OPRM1: variants seen among roughly 807,000 people sequenced by gnomAD.
The protein encoded by OPRM1 is opioid receptor mu 1.
OPRM1 carries 27 observed loss-of-function variants against 31.8 expected under a neutral mutation model. That is an observed-to-expected ratio of 0.85 (90% CI 0.63 to 1.17). The LOEUF is 1.17. Among genes scored for constraint, OPRM1 ranks in the 50% most tolerant of loss-of-function variants. The pLI, the probability that OPRM1 is intolerant of heterozygous loss-of-function variation, is 0.00. For synonymous variants in OPRM1, 196 were observed against 189.9 expected (o/e 1.03, Z -0.26); for missense variants, 536 against 511.1 (o/e 1.05, Z -0.47).
chr6:154,222,946 C>T, intron 3 of OPRM1: 1 of 571,300 alleles, frequency 1.8e-6, no homozygotes, highest in Non-Finnish European at 3.1e-6. Context: ...CATGCCAAGA[C>T]TTCGTGGGGG....
At chr6:154,186,650 G>A (rs867049149) in intron 3 of OPRM1, among the ~76,000 whole-genome samples, 21 of 151,916 alleles carry the variant, frequency 1.4e-4, no homozygotes, top group Middle Eastern at 3.4e-3. Flanking sequence ...TCCGCCTCCC[G>A]GGTTCGCGCC....
intron 3 of OPRM1, among the ~76,000 whole-genome samples, chr6:154,195,171 A>G (rs1461371128): frequency 5.9e-5 from 8 of 135,276 alleles, no homozygotes; most frequent in East Asian, 2.1e-4. Flanking sequence ...TTTTTGAGAC[A>G]GAATCTCGCT....
rs1374041079 is a variant in OPRM1 at position 154,021,522 on chromosome 6, C to T, written c.-1+10504C>T. Among the ~76,000 whole-genome samples, 5 of 152,074 alleles carry T rather than the reference C, an allele frequency of 3.3e-5. No individual in the cohort carries two copies. In the East Asian group the frequency reaches 7.7e-4, roughly 23 times the overall value. ...ATTTCTGGGATTTTGATTGGGTCTG[C>T]CTTGGATCTATACATCAAGTTGGGA... On this transcript the variant is annotated intron_variant, in intron 1 of 5. Transcript: ENST00000434900.
At chr6:154,183,295 G>A (rs1801057924) in intron 3 of OPRM1, among the ~76,000 whole-genome samples, 1 of 152,182 alleles carries the variant, frequency 6.6e-6, no homozygotes, top group Non-Finnish European at 1.5e-5. Context: ...ATCTTTTCAA[G>A]ATGGCGCTCT....
At chr6:154,180,415 T>TATATA (rs1491475267) in intron 3 of OPRM1, among the ~76,000 whole-genome samples, 26 of 29,346 alleles carry the variant, frequency 8.9e-4, no homozygotes, top group South Asian at 3.4e-3. Context: ...TATATATATA[T>TATATA]TTTTTTTTTA....
intron 1 of OPRM1, among the ~76,000 whole-genome samples, chr6:154,040,309 T>C (rs564413129): frequency 6.6e-6 from 1 of 152,076 alleles, no homozygotes; most frequent in African/African-American, 2.4e-5. Context: ...TCAAGTCTTC[T>C]CAATTGTTTT....
intron 1 of OPRM1, among the ~76,000 whole-genome samples, chr6:154,061,816 AAAT>A (rs965235085): frequency 8.8e-4 from 132 of 150,138 alleles, no homozygotes; most frequent in African/African-American, 3.1e-3. Context: ...CCCTAAAAAA[AAAT>A]AATAGTTGGA....
intron 1 of OPRM1, among the ~76,000 whole-genome samples, chr6:154,059,580 C>T (rs1320046151): frequency 1.4e-5 from 2 of 147,914 alleles, no homozygotes; most frequent in East Asian, 3.9e-4. Context: ...TCCTTTTTTA[C>T]ACTTAAAAAA....
Position 154,086,138 on chromosome 6 carries a change from C to T in OPRM1, c.291-3688C>T, listed in dbSNP as rs76403799. ...TAGGCTTGAGCCACCAGGCCCAGCC[C>T]ACATTACTCCTTTTCTGATTAGACC... On this transcript the variant is annotated intron_variant, in intron 1 of 3. Transcript: ENST00000330432. Among the ~76,000 whole-genome samples, 1,098 of 152,240 alleles carry T rather than the reference C, an allele frequency of 7.2e-3. 16 individuals carry two copies. The highest frequency in any genetic ancestry group is 0.025 in the African/African-American group (1,035 of 41,538).
intron 3 of OPRM1, among the ~76,000 whole-genome samples, chr6:154,098,390 G>A (rs1467596332): frequency 6.6e-6 from 1 of 152,156 alleles, no homozygotes; most frequent in African/African-American, 2.4e-5. Context: ...CTTAAGTGGT[G>A]AATTGCTATT....
intron 3 of OPRM1, among the ~76,000 whole-genome samples, chr6:154,243,803 T>A (rs781390339): frequency 2.0e-5 from 3 of 152,218 alleles, no homozygotes; most frequent in Admixed American, 2.0e-4. Context: ...CCCATGTGAC[T>A]TGGGACAATT....
At chr6:154,242,743 G>A (rs1000360897) in intron 3 of OPRM1, among the ~76,000 whole-genome samples, 9 of 151,952 alleles carry the variant, frequency 5.9e-5, no homozygotes, top group Admixed American at 2.0e-4. Flanking sequence ...AAAAATTAGC[G>A]GGGCATGGTG....
At chr6:154,028,393 G>A (rs1778822539) in intron 1 of OPRM1, among the ~76,000 whole-genome samples, 1 of 152,176 alleles carries the variant, frequency 6.6e-6, no homozygotes, top group African/African-American at 2.4e-5. Context: ...CTCTCGTAGA[G>A]TGGAGAAAAG....
intron 1 of OPRM1, among the ~76,000 whole-genome samples, chr6:154,017,021 C>T (rs1271102292): frequency 6.6e-6 from 1 of 152,178 alleles, no homozygotes; most frequent in African/African-American, 2.4e-5. Context: ...CAGTTTACTT[C>T]TTAGCTTACT....
At chr6:154,230,070 T>C (rs1779603529) in intron 3 of OPRM1, among the ~76,000 whole-genome samples, 1 of 152,122 alleles carries the variant, frequency 6.6e-6, no homozygotes, top group African/African-American at 2.4e-5. Context: ...GGGTGGGAAC[T>C]GACTGTAAAT....
intron 1 of OPRM1, among the ~76,000 whole-genome samples, chr6:154,050,196 T>A (rs975972235): frequency 1.3e-5 from 2 of 152,224 alleles, no homozygotes; most frequent in African/African-American, 4.8e-5. Flanking sequence ...TATTGATCTA[T>A]TCAGCTTTTG....
Position 154,131,941 on chromosome 6 carries a change from G to A in OPRM1, c.*13220G>A, listed in dbSNP as rs995342581. On this transcript the variant is annotated 3_prime_UTR_variant, in exon 4 of 4. Transcript: ENST00000330432. ...TCTGGGAGTTTTTCTATAAGTTTTT[G>A]GTTTTTTTTTTTTTTTCTCTTCATT... 1.6e-4 allele frequency among the ~76,000 whole-genome samples: 17 copies of A among 108,036 alleles called. 1 individual carries two copies. In the East Asian group the frequency reaches 7.0e-3, roughly 44 times the overall value. The allele number at this position is 108,036 out of a possible 152,430, so 70.9% of individuals were successfully genotyped here.
intron 3 of OPRM1, among the ~76,000 whole-genome samples, chr6:154,242,027 C>T (rs146239245): frequency 6.6e-6 from 1 of 152,324 alleles, no homozygotes; most frequent in East Asian, 1.9e-4. Context: ...CTTAAATTCC[C>T]TGAGCTTCAG....
chr6:154,110,479 C>A (rs986696158), intron 3 of OPRM1: 3 of 1,018,460 alleles, frequency 2.9e-6, no homozygotes, highest in Non-Finnish European at 4.5e-6. Context: ...CTGCTGCTAG[C>A]CCTAATGGAG....
Sources: allele counts gnomAD v4.1 joint callset (sites outside exome capture counted in the v4.1 genomes callset), GRCh38; gene constraint gnomAD v4.1.1; transcripts MANE v1.5; gene names NCBI Gene and HGNC (gene_info 2026-07-23, HGNC 2026-07-21).